Variants in GNAO1 observed in about 807,000 individuals in gnomAD.
GNAO1 encodes guanine nucleotide-binding protein G(o) subunit alpha.
For synonymous variants in GNAO1, 164 were observed against 180.7 expected (o/e 0.91, Z 0.74); for missense variants, 166 against 478.7 (o/e 0.35, Z 6.10).
At chr16:56,273,912 G>A (rs1313890554) in intron 2 of GNAO1, among the ~76,000 whole-genome samples, 1 of 152,176 alleles carries the variant, frequency 6.6e-6, no homozygotes, top group African/African-American at 2.4e-5. Flanking sequence ...CCTGATGCTT[G>A]TTCTTTCTTT....
chr16:56,235,322 C>T (rs777924356), intron 2 of GNAO1: 24 of 455,940 alleles, frequency 5.3e-5, no homozygotes, highest in Non-Finnish European at 2.2e-5. Flanking sequence ...GAAGCTTAGA[C>T]AGAGCATGTA....
At chr16:56,340,526 G>T in intron 6 of GNAO1, 1 of 362,942 alleles carries the variant, frequency 2.8e-6, no homozygotes, top group Non-Finnish European at 5.1e-6. Context: ...TGTCCTCTCC[G>T]TGAGCTGGAG....
intron 3 of GNAO1, among the ~76,000 whole-genome samples, chr16:56,316,412 G>A (rs2037510097): frequency 6.6e-6 from 1 of 152,184 alleles, no homozygotes; most frequent in Non-Finnish European, 1.5e-5. Flanking sequence ...GTCTGTGCTT[G>A]AGCCCCTGAG....
chr16:56,289,035 G>GTA (rs1446050343), intron 3 of GNAO1, among the ~76,000 whole-genome samples: 1 of 151,792 alleles, frequency 6.6e-6, no homozygotes, highest in South Asian at 2.1e-4. Context: ...TCCAAAAAAG[G>GTA]GGGGGGGAGC....
intron 3 of GNAO1, among the ~76,000 whole-genome samples, chr16:56,324,471 G>A (rs1242515327): frequency 3.9e-5 from 6 of 152,220 alleles, no homozygotes; most frequent in Admixed American, 6.5e-5. Flanking sequence ...TCCACCACCC[G>A]CATTCCTCAG....
intron 3 of GNAO1, among the ~76,000 whole-genome samples, chr16:56,280,632 C>T (rs115429882): frequency 0.011 from 1,683 of 152,140 alleles, 32 homozygotes; most frequent in African/African-American, 0.038. Context: ...GGTGAAGAAG[C>T]TGCAGCAACA....
chr16:56,255,348 A>G (rs2036837108), intron 2 of GNAO1, among the ~76,000 whole-genome samples: 1 of 152,216 alleles, frequency 6.6e-6, no homozygotes, highest in African/African-American at 2.4e-5. Flanking sequence ...GATGAGATGT[A>G]TGGGTGATAA....
chr16:56,315,216 T>A (rs1282116271), intron 3 of GNAO1, among the ~76,000 whole-genome samples: 3 of 152,182 alleles, frequency 2.0e-5, no homozygotes, highest in Non-Finnish European at 4.4e-5. Context: ...TGCTAATGTC[T>A]CCCAGCCGAG....
chr16:56,207,960 T>G (rs2036346183), intron 2 of GNAO1, among the ~76,000 whole-genome samples: 1 of 152,208 alleles, frequency 6.6e-6, no homozygotes, highest in Admixed American at 6.5e-5. Context: ...ATATCCCTTT[T>G]TGATCACAGC....
intron 5 of GNAO1, 47 bp from the exon 6 acceptor site, chr16:56,336,684 C>A: frequency 6.4e-7 from 1 of 1,552,956 alleles, no homozygotes; most frequent in Non-Finnish European, 8.7e-7. Context: ...CCCAGGCAGC[C>A]CTCACCTGCC....
intron 3 of GNAO1, among the ~76,000 whole-genome samples, chr16:56,327,254 A>G (rs1375386278): frequency 6.6e-6 from 1 of 152,084 alleles, no homozygotes; most frequent in Non-Finnish European, 1.5e-5. Context: ...TGGCGATGGC[A>G]GGGCCCACGA....
intron 6 of GNAO1, among the ~76,000 whole-genome samples, chr16:56,340,060 C>T (rs2037785526): frequency 6.6e-6 from 1 of 152,234 alleles, no homozygotes; most frequent in Non-Finnish European, 1.5e-5. Context: ...GGGCTCTCTG[C>T]AGGAGCTAGC....
chr16:56,264,337 C>T (rs1177422054), intron 2 of GNAO1, among the ~76,000 whole-genome samples: 1 of 152,228 alleles, frequency 6.6e-6, no homozygotes, highest in Non-Finnish European at 1.5e-5. Flanking sequence ...ATTACGCTGC[C>T]GCTGCCGTGG....
chr16:56,196,652 TC>T (rs1442237379), intron 2 of GNAO1, among the ~76,000 whole-genome samples: 1 of 152,202 alleles, frequency 6.6e-6, no homozygotes, highest in Admixed American at 6.5e-5. Flanking sequence ...AATGTTGAGT[TC>T]AGGCTATCTG....
In GNAO1 at chr16:56,246,021, G is replaced by A. The variant is rs547571205; in HGVS notation, c.162-29910G>A. 7.9e-5 allele frequency among the ~76,000 whole-genome samples: 12 copies of A among 152,216 alleles called. No homozygotes were observed. In the East Asian group the frequency reaches 2.1e-3, roughly 27 times the overall value. The stretch of plus-strand genomic sequence containing the variant: ...TACTGCCCTGCTTCCTCCCAGCTGA[G>A]ATCTCTGCAGGGCCCCTGGGTGAAT... On this transcript the variant is annotated intron_variant, in intron 2 of 8. Transcript: ENST00000262493.
intron 2 of GNAO1, among the ~76,000 whole-genome samples, chr16:56,195,272 C>G (rs1236984747): frequency 6.6e-6 from 1 of 152,180 alleles, no homozygotes; most frequent in African/African-American, 2.4e-5. Context: ...CCCTGGCGTC[C>G]TGTCCTCCTG....
intron 2 of GNAO1, among the ~76,000 whole-genome samples, chr16:56,274,483 G>A (rs2037044752): frequency 6.6e-6 from 1 of 151,970 alleles, no homozygotes. Context: ...CCGCAAACCA[G>A]CACCAAGTGG....
intron 3 of GNAO1, among the ~76,000 whole-genome samples, chr16:56,301,549 T>A (rs990336528): frequency 6.6e-6 from 1 of 152,242 alleles, no homozygotes; most frequent in Non-Finnish European, 1.5e-5. Context: ...CACAGAAGCT[T>A]GGCATTTTTC....
intron 3 of GNAO1, among the ~76,000 whole-genome samples, chr16:56,285,901 G>A (rs1312036999): frequency 6.6e-6 from 1 of 152,196 alleles, no homozygotes; most frequent in East Asian, 1.9e-4. Flanking sequence ...CCAAGCCCCA[G>A]AATTGAGCCC....
Sources: gnomAD v4.1 joint callset for allele counts (sites outside exome capture counted in the v4.1 genomes callset) on GRCh38, gnomAD v4.1.1 for gene constraint, MANE v1.5 for transcripts, NCBI Gene and HGNC (gene_info 2026-07-23, HGNC 2026-07-21) for gene names.